Variants in EXOC4 observed in about 807,000 individuals in gnomAD.
EXOC4 encodes exocyst complex component 4, also known as SEC8-like 1.
Under a neutral mutation model 107.2 loss-of-function variants are expected in EXOC4, and 71 were observed. The observed-to-expected ratio is 0.66, with a 90% CI of 0.55 to 0.81. The LOEUF is 0.81. Ranked by LOEUF, EXOC4 falls within the 30% of genes least tolerant of loss-of-function variation. The pLI, the probability that EXOC4 is intolerant of heterozygous loss-of-function variation, is 0.00. For missense variants in EXOC4, 1,108 were observed against 1,189.6 expected (o/e 0.93, Z 1.01); for synonymous variants, 456 against 441.2 (o/e 1.03, Z -0.42).
intron 7 of EXOC4, among the ~76,000 whole-genome samples, chr7:133,394,278 C>T (rs999301285): frequency 2.6e-5 from 4 of 152,026 alleles, no homozygotes; most frequent in Admixed American, 6.6e-5. Flanking sequence ...TCTTTGAAAA[C>T]GATTTAAATT....
At chr7:133,379,886 A>G (rs949043523) in intron 7 of EXOC4, among the ~76,000 whole-genome samples, 1 of 152,206 alleles carries the variant, frequency 6.6e-6, no homozygotes, top group Non-Finnish European at 1.5e-5. Context: ...TAATGAACTA[A>G]GCAACTTTAA....
chr7:133,399,161 C>T (rs1797034050), intron 7 of EXOC4, among the ~76,000 whole-genome samples: 1 of 152,170 alleles, frequency 6.6e-6, no homozygotes, highest in Admixed American at 6.5e-5. Flanking sequence ...AGCTTTAAAA[C>T]CACTAAAGGT....
At chr7:133,561,696 T>A (rs1800807010) in intron 9 of EXOC4, among the ~76,000 whole-genome samples, 1 of 152,186 alleles carries the variant, frequency 6.6e-6, no homozygotes, top group Admixed American at 6.5e-5. Flanking sequence ...ATTCTCCCCA[T>A]GTCTATGAAT....
At chr7:133,661,133 C>T (rs1308176057) in intron 10 of EXOC4, among the ~76,000 whole-genome samples, 1 of 152,092 alleles carries the variant, frequency 6.6e-6, no homozygotes, top group Admixed American at 6.5e-5. Context: ...CCTGAAATGA[C>T]AGGGTAGCAT....
intron 10 of EXOC4, among the ~76,000 whole-genome samples, chr7:133,762,174 T>A (rs1007858259): frequency 6.6e-6 from 1 of 152,146 alleles, no homozygotes; most frequent in Admixed American, 6.6e-5. Context: ...ATATCCCCAA[T>A]TGAGAATTCT....
chr7:133,925,523 A>C lies in EXOC4; in HGVS notation c.2027+7785A>C, dbSNP rs781394468. 9.6e-4 allele frequency among the ~76,000 whole-genome samples: 146 copies of C among 152,244 alleles called. 1 individual carries two copies. The highest frequency in any genetic ancestry group is 3.3e-3 in the Admixed American group (51 of 15,298). ...AAGGGATAAGGTGTTGGGGAAGCAA[A>C]GAGGACAGGGAAGGAGCTAGGGAGG... On this transcript the variant is annotated intron_variant, in intron 13 of 17. Transcript: ENST00000253861.
At chr7:133,988,698 G>A (rs1212014878) in intron 14 of EXOC4, among the ~76,000 whole-genome samples, 1 of 152,164 alleles carries the variant, frequency 6.6e-6, no homozygotes, top group Non-Finnish European at 1.5e-5. Flanking sequence ...AGGAGTAAGA[G>A]CCATCAAAGG....
intron 17 of EXOC4, among the ~76,000 whole-genome samples, chr7:134,051,888 A>AGG (rs1795800684): frequency 6.6e-6 from 1 of 151,202 alleles, no homozygotes; most frequent in African/African-American, 2.4e-5. Flanking sequence ...CAGGAGGCTC[A>AGG]GGCAGGAGAA....
chr7:133,487,283 C>G (rs1351581212), intron 9 of EXOC4, among the ~76,000 whole-genome samples: 1 of 152,154 alleles, frequency 6.6e-6, no homozygotes, highest in African/African-American at 2.4e-5. Flanking sequence ...AACCTTATTT[C>G]TAAAAATATT....
intron 7 of EXOC4, among the ~76,000 whole-genome samples, chr7:133,406,275 A>C (rs967445835): frequency 4.6e-5 from 7 of 152,178 alleles, no homozygotes; most frequent in African/African-American, 1.7e-4. Context: ...ACCATACTGC[A>C]CTACATCCAT....
At chr7:133,523,940 G>C (rs1226818383) in intron 9 of EXOC4, among the ~76,000 whole-genome samples, 13 of 150,210 alleles carry the variant, frequency 8.7e-5, no homozygotes, top group African/African-American at 2.7e-4. Flanking sequence ...ATGATTTATA[G>C]TCATTTGGGT....
intron 11 of EXOC4, among the ~76,000 whole-genome samples, chr7:133,817,786 C>T (rs1052720124): frequency 1.3e-5 from 2 of 151,598 alleles, no homozygotes; most frequent in Non-Finnish European, 1.5e-5. Flanking sequence ...GATGGTGAAT[C>T]TCATTAACAT....
chr7:133,307,081 T>C (rs1794769270), intron 4 of EXOC4, among the ~76,000 whole-genome samples: 1 of 152,226 alleles, frequency 6.6e-6, no homozygotes, highest in Non-Finnish European at 1.5e-5. Context: ...TCATGCTTCT[T>C]CATTCAGATA....
chr7:133,651,982 A>T (rs1020422517), intron 10 of EXOC4, among the ~76,000 whole-genome samples: 12 of 152,166 alleles, frequency 7.9e-5, no homozygotes, highest in African/African-American at 2.9e-4. Flanking sequence ...GCCCTGCCGT[A>T]ACTCAAACTC....
At chr7:133,779,733 TTGTAAAATAGACCAATCAGCAGCC>T (rs1456205300) in intron 10 of EXOC4, among the ~76,000 whole-genome samples, 9 of 152,198 alleles carry the variant, frequency 5.9e-5, no homozygotes, top group Admixed American at 3.3e-4. Flanking sequence ...AGCTAGAGAT[TTGTAAAATAGACCAATCAGCAGCC>T]TGTAAAATGG....
chr7:134,082,501 C>T, the EXOC4 span, among the ~76,000 whole-genome samples: 1 of 152,180 alleles, frequency 6.6e-6, no homozygotes, highest in African/African-American at 2.4e-5. Context: ...AGTGCAGTGG[C>T]ATGATCTCTG....
chr7:134,066,754 T>C (rs1465591678), downstream of EXOC4, among the ~76,000 whole-genome samples: 3 of 152,134 alleles, frequency 2.0e-5, no homozygotes, highest in Non-Finnish European at 2.9e-5. Context: ...CAGAAAGTGC[T>C]AGAGAGAGCC....
intron 7 of EXOC4, among the ~76,000 whole-genome samples, chr7:133,404,060 G>A (rs904015054): frequency 2.0e-5 from 3 of 152,088 alleles, no homozygotes; most frequent in Non-Finnish European, 4.4e-5. Flanking sequence ...CCATAGTGCA[G>A]CTGGGATCAG....
intron 10 of EXOC4, among the ~76,000 whole-genome samples, chr7:133,803,441 G>A (rs1161695363): frequency 1.3e-5 from 2 of 152,142 alleles, no homozygotes; most frequent in Non-Finnish European, 2.9e-5. Flanking sequence ...ACTGGGCAGA[G>A]TCACCTGATT....
Sources: allele counts gnomAD v4.1 joint callset (sites outside exome capture counted in the v4.1 genomes callset), GRCh38; gene constraint gnomAD v4.1.1; transcripts MANE v1.5; gene names NCBI Gene and HGNC (gene_info 2026-07-23, HGNC 2026-07-21).